Variants in GTF2I observed in about 807,000 individuals in gnomAD.
GTF2I encodes the protein general transcription factor II-I.
Under a neutral mutation model 67.6 loss-of-function variants are expected in GTF2I, and 12 were observed. The observed-to-expected ratio is 0.18, with a 90% CI of 0.11 to 0.29. GTF2I has a LOEUF of 0.29. Among genes scored for constraint, GTF2I ranks in the 10% least tolerant of loss-of-function variants. The pLI is 1.00. For missense variants in GTF2I, 271 were observed against 580.1 expected, an observed-to-expected ratio of 0.47 and a Z score of 5.47; for synonymous variants, 149 against 197.0, an observed-to-expected ratio of 0.76 and a Z score of 2.04.
At chr7:74,667,292 G>A (rs372435760) in intron 1 of GTF2I, among the ~76,000 whole-genome samples, 1 of 152,058 alleles carries the variant, frequency 6.6e-6, no homozygotes, top group East Asian at 1.9e-4. Context: ...ACAGTGTACC[G>A]AGATCTTGCC....
chr7:74,715,006 A>T, intron 10 of GTF2I, 90 bp downstream of exon 10: 1 of 709,014 alleles, frequency 1.4e-6, no homozygotes, highest in Non-Finnish European at 2.2e-6. Context: ...ATTTATAAGT[A>T]CAGTATTACT....
chr7:74,658,149 T>C (rs1554384522), intron 1 of GTF2I, 81 bp downstream of exon 1: 2 of 150,886 alleles, frequency 1.3e-5, no homozygotes, highest in East Asian at 2.0e-4. Flanking sequence ...ATTAGAGACT[T>C]TGCCCCGCCG....
At chr7:74,698,928 A>AT (rs1301422648) in intron 3 of GTF2I, 33 bp from the exon 4 acceptor site, 7 of 1,117,078 alleles carry the variant, frequency 6.3e-6, no homozygotes, top group East Asian at 5.8e-5. Context: ...CCTTATTATT[A>AT]TTTTTTTATT....
rs1345305562 is a variant in GTF2I, at chr7:74,749,008, TTA to T, written c.2171-15_2171-14del. ...TGATAAGTATTGCAATTTAACTCTC[TTA>T]TGTTTTATATGCAGAGGCCTGGAAT... On this transcript the variant is annotated splice_polypyrimidine_tract_variant and intron_variant, in intron 24 of 34. Coordinates refer to ENST00000573035, the MANE Select transcript of GTF2I (RefSeq NM_032999.4). The T allele has an allele frequency of 3.6e-6, 1 of 279,928 alleles. No individual in the cohort carries two copies. The highest frequency in any genetic ancestry group is 3.6e-5 in the African/African-American group (1 of 27,744). The allele number at this position is 279,928 out of a possible 1,614,324, so 17.3% of individuals were successfully genotyped here.
intron 7 of GTF2I, 33 bp downstream of exon 7, chr7:74,705,251 C>T (rs1225563007): frequency 2.3e-6 from 3 of 1,305,326 alleles, no homozygotes; most frequent in Non-Finnish European, 3.3e-6. Flanking sequence ...CTGTTTAACT[C>T]CCACACCTCA....
chr7:74,703,672 G>A (rs782309169), intron 6 of GTF2I, among the ~76,000 whole-genome samples: 13 of 152,280 alleles, frequency 8.5e-5, no homozygotes, highest in South Asian at 2.1e-4. Context: ...GAGCCACTGC[G>A]CCTGGCCCTC....
At chr7:74,724,767 A>G (rs782586369) in intron 12 of GTF2I, among the ~76,000 whole-genome samples, 60 of 152,094 alleles carry the variant, frequency 3.9e-4, no homozygotes, top group Admixed American at 3.3e-4. Flanking sequence ...CTAAAAATAT[A>G]AAAATTAGCT....
Position 74,702,691 on chromosome 7 carries a change from T to G in GTF2I, c.586+2057T>G, listed in dbSNP as rs113043457. On this transcript the variant is annotated intron_variant, in intron 6 of 34. Transcript: ENST00000573035. ...TCTAATTTTTTTTGATTTTTAAAAA[T>G]TTCTCTAGTGATTGTTGATGTGTTT... Among the ~76,000 whole-genome samples the G allele has an allele frequency of 7.9e-5, 12 of 152,222 alleles. 1 individual carries two copies. Among genetic ancestry groups the G allele is most frequent in the African/African-American group, 2.6e-4 (11 of 41,556 alleles).
chr7:74,710,339 T>G (rs1554402283), intron 8 of GTF2I, among the ~76,000 whole-genome samples: 1 of 152,174 alleles, frequency 6.6e-6, no homozygotes, highest in African/African-American at 2.4e-5. Flanking sequence ...TTTTTCTTTT[T>G]TTTTGAGAGG....
At chr7:74,672,989 T>C (rs587667214) in intron 1 of GTF2I, among the ~76,000 whole-genome samples, 7 of 152,256 alleles carry the variant, frequency 4.6e-5, no homozygotes, top group African/African-American at 1.4e-4. Flanking sequence ...GCCTCCCTAG[T>C]AGCTGGGACT....
intron 1 of GTF2I, among the ~76,000 whole-genome samples, chr7:74,664,456 A>C (rs920868353): frequency 2.0e-5 from 3 of 152,078 alleles, no homozygotes; most frequent in Non-Finnish European, 4.4e-5. Context: ...TTTTTTGAGA[A>C]GGAGTCTCCC....
At chr7:74,732,710 T>C (rs1584315043) in intron 15 of GTF2I, 48 bp downstream of exon 15, 1 of 1,529,440 alleles carries the variant, frequency 6.5e-7, no homozygotes, top group Non-Finnish European at 8.8e-7. Flanking sequence ...TTCTGAGTAA[T>C]ACGTCTTTTT....
At chr7:74,668,520 G>A (rs896618404) in intron 1 of GTF2I, among the ~76,000 whole-genome samples, 1 of 151,832 alleles carries the variant, frequency 6.6e-6, no homozygotes, top group South Asian at 2.1e-4. Flanking sequence ...ATTCCTGCTT[G>A]TGTTTTGATC....
chr7:74,695,730 T>C (rs1273550044), intron 3 of GTF2I, among the ~76,000 whole-genome samples: 1 of 152,198 alleles, frequency 6.6e-6, no homozygotes, highest in Non-Finnish European at 1.5e-5. Flanking sequence ...GTTGACATTA[T>C]TATAATGTTG....
intron 6 of GTF2I, 39 bp from the exon 7 acceptor site, chr7:74,705,125 G>A (rs370160980): frequency 4.4e-4 from 563 of 1,290,968 alleles, no homozygotes; most frequent in Non-Finnish European, 6.0e-4. Flanking sequence ...TATTTGAAAT[G>A]TTGAAAAACT....
At chr7:74,669,893 G>T (rs782099176) in intron 1 of GTF2I, among the ~76,000 whole-genome samples, 23 of 152,098 alleles carry the variant, frequency 1.5e-4, no homozygotes, top group Non-Finnish European at 2.6e-4. Context: ...ACATAAGCAG[G>T]TGTTCATGCA....
intron 9 of GTF2I, among the ~76,000 whole-genome samples, chr7:74,713,584 GAAATT>G (rs1791894508): frequency 6.6e-6 from 1 of 152,114 alleles, no homozygotes; most frequent in Non-Finnish European, 1.5e-5. Flanking sequence ...TGAACATACT[GAAATT>G]AAATTATTAA....
intron 1 of GTF2I, among the ~76,000 whole-genome samples, chr7:74,688,624 A>G (rs1554396044): frequency 6.6e-6 from 1 of 152,066 alleles, no homozygotes; most frequent in East Asian, 1.9e-4. Flanking sequence ...GCCTGGCCAG[A>G]ATATGCTGTA....
intron 1 of GTF2I, among the ~76,000 whole-genome samples, chr7:74,673,610 C>G (rs1376648157): frequency 6.6e-6 from 1 of 151,354 alleles, no homozygotes; most frequent in Non-Finnish European, 1.5e-5. Context: ...AACTCCTGAC[C>G]TCAGGTGATT....
Sources: allele counts gnomAD v4.1 joint callset (sites outside exome capture counted in the v4.1 genomes callset), GRCh38; gene constraint gnomAD v4.1.1; transcripts MANE v1.5; gene names NCBI Gene and HGNC (gene_info 2026-07-23, HGNC 2026-07-21).